Variants in SLC25A21 observed in about 807,000 individuals in gnomAD.
SLC25A21 encodes solute carrier family 25 member 21.
A neutral mutation model predicts 43.8 loss-of-function variants in SLC25A21; 47 were observed. The observed-to-expected ratio is 1.07, with a 90% CI of 0.85 to 1.37. The LOEUF (loss-of-function observed/expected upper bound fraction) is 1.37, where lower values mean the gene tolerates loss of function less well. SLC25A21 is among the 40% of genes most tolerant of loss of function. The pLI is 0.00. For synonymous variants in SLC25A21, 131 were observed against 121.3 expected, an observed-to-expected ratio of 1.08 and a Z score of -0.52; for missense variants, 352 against 350.2, an observed-to-expected ratio of 1.00 and a Z score of -0.04.
rs117097206 is a variant in SLC25A21, at chr14:36,992,064, A to G, written c.71-117060T>C. 6.3e-3 allele frequency among the ~76,000 whole-genome samples: 963 copies of G among 152,298 alleles called. 4 individuals carry two copies. Among genetic ancestry groups the G allele is most frequent in the Non-Finnish European group, 0.011 (716 of 68,018 alleles). ...AATTTCACAGTAACATAAATGATTT[A>G]TTTAGTGACTATATGTGTGAGGCTT... is the stretch of plus-strand genomic sequence containing the variant. On this transcript the variant is annotated intron_variant, in intron 1 of 9. Coordinates refer to ENST00000331299, the MANE Select transcript of SLC25A21 (RefSeq NM_030631.4).
chr14:37,158,551 T>G (rs548401741), intron 1 of SLC25A21, among the ~76,000 whole-genome samples: 1 of 152,238 alleles, frequency 6.6e-6, no homozygotes, highest in African/African-American at 2.4e-5. Flanking sequence ...ATAAAAATTC[T>G]TAATAACTAG....
At chr14:37,003,777 G>C (rs533805114) in intron 1 of SLC25A21, among the ~76,000 whole-genome samples, 1 of 152,280 alleles carries the variant, frequency 6.6e-6, no homozygotes, top group South Asian at 2.1e-4. Flanking sequence ...GGAGACTCTG[G>C]AGTGCCAGTT....
chr14:36,790,963 A>G (rs953569264), intron 3 of SLC25A21, among the ~76,000 whole-genome samples: 2 of 150,984 alleles, frequency 1.3e-5, no homozygotes, highest in African/African-American at 4.8e-5. Flanking sequence ...TAGAGTCCAA[A>G]TTAAATTCAG....
chr14:36,965,905 G>GA (rs1959601898), intron 1 of SLC25A21, among the ~76,000 whole-genome samples: 1 of 152,098 alleles, frequency 6.6e-6, no homozygotes, highest in South Asian at 2.1e-4. Flanking sequence ...GTAACACAAA[G>GA]AATAAATGCT....
chr14:37,106,441 C>A (rs1056858765), intron 1 of SLC25A21, among the ~76,000 whole-genome samples: 3 of 152,060 alleles, frequency 2.0e-5, no homozygotes, highest in African/African-American at 7.2e-5. Flanking sequence ...CTGAGATATA[C>A]ACCCTGGTCT....
At chr14:37,141,645 A>G (rs1364921753) in intron 1 of SLC25A21, among the ~76,000 whole-genome samples, 1 of 152,190 alleles carries the variant, frequency 6.6e-6, no homozygotes, top group Non-Finnish European at 1.5e-5. Context: ...TTACTTTACT[A>G]CGTAAATGTT....
chr14:36,987,398 A>G (rs1488973043), intron 1 of SLC25A21, among the ~76,000 whole-genome samples: 4 of 152,214 alleles, frequency 2.6e-5, no homozygotes, highest in Non-Finnish European at 5.9e-5. Context: ...AAAATAATAC[A>G]TGATCATTTT....
At chr14:36,826,772 G>A (rs992419172) in intron 2 of SLC25A21, among the ~76,000 whole-genome samples, 1 of 152,186 alleles carries the variant, frequency 6.6e-6, no homozygotes, top group African/African-American at 2.4e-5. Context: ...CCCTGAGAAT[G>A]GGCTGTCCTG....
chr14:36,799,568 G>A (rs750906720), intron 3 of SLC25A21, among the ~76,000 whole-genome samples: 2 of 152,128 alleles, frequency 1.3e-5, no homozygotes, highest in Non-Finnish European at 2.9e-5. Context: ...TGGTTTCTCA[G>A]TTTTCCATTT....
intron 1 of SLC25A21, among the ~76,000 whole-genome samples, chr14:36,951,434 C>G (rs1037888325): frequency 6.6e-6 from 1 of 152,134 alleles, no homozygotes; most frequent in African/African-American, 2.4e-5. Flanking sequence ...AATTATTGAA[C>G]TCTCTGCATC....
In SLC25A21 at chr14:36,684,812, T is replaced by C; in HGVS notation, c.717A>G (p.Gln239=). The C allele has an allele frequency of 1.2e-6, 2 of 1,614,038 alleles. No individual in the cohort carries two copies. The highest frequency in any genetic ancestry group is 1.1e-5 in the South Asian group (1 of 91,060). The change falls in exon 8 of 10, where the codon CAA becomes CAG. Residue 239 remains glutamine (Q), a synonymous_variant. Transcript: ENST00000331299. The stretch of plus-strand genomic sequence containing the variant: ...TGTACTTGATCTCTCCAGGAACTGG[T>C]TGAGGCCCTTGAATCCTACTTTTGG... ...DVAKSRIQGP[Q]PVPGEIKYRT... is the part of the protein sequence containing the mutation.
At chr14:36,786,191 A>C (rs1030119072) in intron 3 of SLC25A21, among the ~76,000 whole-genome samples, 1 of 152,114 alleles carries the variant, frequency 6.6e-6, no homozygotes, top group Admixed American at 6.5e-5. Context: ...AACCTACCTC[A>C]AAGGTTGTTG....
At chr14:37,170,387 A>G (rs927015910) in intron 1 of SLC25A21, among the ~76,000 whole-genome samples, 4 of 152,114 alleles carry the variant, frequency 2.6e-5, no homozygotes, top group African/African-American at 4.8e-5. Context: ...AATACATAGT[A>G]TGATCATATA....
chr14:36,829,628 G>A (rs1407343841), intron 2 of SLC25A21, among the ~76,000 whole-genome samples: 1 of 152,112 alleles, frequency 6.6e-6, no homozygotes, highest in Non-Finnish European at 1.5e-5. Flanking sequence ...CTTTTGGAGT[G>A]CCGTCTGTTT....
At chr14:37,032,670 C>CAA (rs3061773) in intron 1 of SLC25A21, among the ~76,000 whole-genome samples, 1 of 93,748 alleles carries the variant, frequency 1.1e-5, no homozygotes, top group Non-Finnish European at 2.1e-5. Context: ...GACTCTGTCT[C>CAA]AAAAAAAAAA....
intron 1 of SLC25A21, among the ~76,000 whole-genome samples, chr14:37,130,201 C>T (rs751486328): frequency 6.6e-6 from 1 of 151,984 alleles, no homozygotes; most frequent in South Asian, 2.1e-4. Context: ...GAGTTAGAGG[C>T]TGCAGTGAGC....
rs1566546994 is a variant in SLC25A21 at position 36,729,645 on chromosome 14, T to C, written c.271-79A>G. On this transcript the variant is annotated intron_variant, in intron 4 of 9. Coordinates refer to ENST00000331299, the MANE Select transcript of SLC25A21 (RefSeq NM_030631.4). Reference sequence around the variant, plus strand: ...CTTTAATTGACTCAAATTTCTTTGGTAAATCATTATGTTAACCAGCATTTC... The same window carrying C: ...CTTTAATTGACTCAAATTTCTTTGGCAAATCATTATGTTAACCAGCATTTC... 9 of 1,191,480 alleles carry C rather than the reference T, an allele frequency of 7.6e-6. No homozygotes were observed. In the East Asian group the frequency reaches 1.7e-4, roughly 23 times the overall value. The allele number at this position is 1,191,480 out of a possible 1,614,324, so 73.8% of individuals were successfully genotyped here.
intron 3 of SLC25A21, among the ~76,000 whole-genome samples, chr14:36,757,341 A>G (rs911620387): frequency 6.6e-6 from 1 of 152,166 alleles, no homozygotes; most frequent in Non-Finnish European, 1.5e-5. Flanking sequence ...GAAACAATAC[A>G]AAGTTCAACA....
chr14:37,106,065 G>A (rs1962905785), intron 1 of SLC25A21, among the ~76,000 whole-genome samples: 1 of 151,982 alleles, frequency 6.6e-6, no homozygotes, highest in Non-Finnish European at 1.5e-5. Context: ...ATCTTCATAA[G>A]CTGAGGATGT....
Sources: gnomAD v4.1 joint callset for allele counts (sites outside exome capture counted in the v4.1 genomes callset) on GRCh38, gnomAD v4.1.1 for gene constraint, MANE v1.5 for transcripts, NCBI Gene and HGNC (gene_info 2026-07-23, HGNC 2026-07-21) for gene names.